The following MYO18B variants were observed in gnomAD, a reference collection of about 807,000 sequenced individuals.
MYO18B encodes the protein unconventional myosin-XVIIIb.
In MYO18B, 204 loss-of-function variants were observed where a neutral mutation model predicts 273.0. The ratio of observed to expected loss-of-function variants is 0.75; its 90% CI spans 0.67 to 0.84. The LOEUF (loss-of-function observed/expected upper bound fraction) is 0.84. Ranked by LOEUF, MYO18B falls within the 40% of genes least tolerant of loss-of-function variation. The pLI is 0.00. For synonymous variants in MYO18B, 1,330 were observed against 1,305.7 expected, an observed-to-expected ratio of 1.02 and a Z score of -0.40; for missense variants, 3,212 against 3,287.6, an observed-to-expected ratio of 0.98 and a Z score of 0.56.
At chr22:25,967,498 T>A (rs1052195483) in intron 39 of MYO18B, among the ~76,000 whole-genome samples, 2 of 152,202 alleles carry the variant, frequency 1.3e-5, no homozygotes, top group African/African-American at 4.8e-5. Context: ...CTTTTTACTG[T>A]TCTTTTTTGA....
At chr22:25,787,270 G>GCACACACACACA (rs965998326) in intron 11 of MYO18B, among the ~76,000 whole-genome samples, 1 of 42,624 alleles carries the variant, frequency 2.3e-5, no homozygotes, top group Admixed American at 3.4e-4. Flanking sequence ...GTGCAGGCGC[G>GCACACACACACA]CGCACACACA....
At chr22:25,957,142 G>A (rs191222042) in intron 39 of MYO18B, among the ~76,000 whole-genome samples, 122 of 152,296 alleles carry the variant, frequency 8.0e-4, no homozygotes, top group African/African-American at 2.3e-3. Flanking sequence ...CTCTGGCTGG[G>A]AGGAGAGAAC....
At chr22:25,789,644 A>AAAT (rs2087568246) in intron 11 of MYO18B, among the ~76,000 whole-genome samples, 1 of 151,200 alleles carries the variant, frequency 6.6e-6, no homozygotes, top group Non-Finnish European at 1.5e-5. Flanking sequence ...AAGAAAAAAA[A>AAAT]AATAACGAAA....
rs1046268144 is a variant in MYO18B, at chr22:26,010,964, A to T, written c.6470+6109A>T. On this transcript the variant is annotated intron_variant, in intron 42 of 43. Coordinates refer to ENST00000335473, the MANE Select transcript of MYO18B (RefSeq NM_032608.7). Reference sequence around the variant, plus strand: ...TGGAGCCCTAAGGAGATACCAAGAAACCTCTGCGTAATGTTAGGATTCTTA... The same window carrying T: ...TGGAGCCCTAAGGAGATACCAAGAATCCTCTGCGTAATGTTAGGATTCTTA... Among the ~76,000 whole-genome samples the T allele has an allele frequency of 2.0e-5, 3 of 151,736 alleles. No individual in the cohort carries two copies. The South Asian group carries it at 6.3e-4, about 32-fold the overall frequency.
chr22:25,927,169 A>G (rs5761321), intron 34 of MYO18B, among the ~76,000 whole-genome samples: 44,328 of 152,140 alleles, frequency 0.29, 6,754 homozygotes, highest in Middle Eastern at 0.36. Context: ...AAAGAACAGG[A>G]TAACAGCAAT....
chr22:26,006,404 C>T (rs1934424137), intron 42 of MYO18B: 1 of 248,386 alleles, frequency 4.0e-6, no homozygotes, highest in Non-Finnish European at 8.6e-6. Flanking sequence ...ATTGTAATGG[C>T]CTGTTGAAAA....
Position 25,954,262 on chromosome 22 carries a change from C to T in MYO18B, c.5971-917C>T, listed in dbSNP as rs187498161. On this transcript the variant is annotated intron_variant, in intron 38 of 43. Coordinates refer to ENST00000335473, the MANE Select transcript of MYO18B (RefSeq NM_032608.7). ...GTGTCCTCAAGGATTCCCCATCCCC[C>T]CTGCCACCAGGAAAGGAAAAATGTC... Among the ~76,000 whole-genome samples, 7 of 152,244 alleles carry T rather than the reference C, an allele frequency of 4.6e-5. No homozygotes were observed. The East Asian group carries it at 1.4e-3, about 29-fold the overall frequency.
intron 34 of MYO18B, among the ~76,000 whole-genome samples, chr22:25,931,461 A>G (rs1012567010): frequency 2.6e-5 from 4 of 152,208 alleles, no homozygotes; most frequent in Admixed American, 1.3e-4. Context: ...ATGGTGCCAA[A>G]TATATCAACG....
chr22:25,768,891 G>A lies in MYO18B; in HGVS notation c.975G>A (p.Arg325=). The change falls in exon 4 of 44, where the codon AGG becomes AGA. Residue 325 remains arginine, a synonymous_variant. Transcript: ENST00000335473. ...GRKWGGFLGR[R]SKWDGPQNKK... is the part of the protein sequence containing the mutation. The stretch of plus-strand genomic sequence containing the variant: ...AGTGGGGAGGTTTCCTGGGAAGAAG[G>A]AGTAAGTGGGACGGTCCCCAGAATA... 1 of 1,613,082 alleles carries A rather than the reference G, an allele frequency of 6.2e-7. No individual in the cohort carries two copies. The highest frequency in any genetic ancestry group is 8.5e-7 in the Non-Finnish European group (1 of 1,179,540).
intron 40 of MYO18B, among the ~76,000 whole-genome samples, chr22:25,999,460 G>A (rs1205795336): frequency 6.6e-6 from 1 of 151,896 alleles, no homozygotes; most frequent in African/African-American, 2.4e-5. Context: ...TAATTATCTC[G>A]CTCATCATCA....
chr22:25,833,069 T>C (rs1207317294), intron 16 of MYO18B, 72 bp downstream of exon 16: 1 of 1,418,966 alleles, frequency 7.0e-7, no homozygotes, highest in Non-Finnish European at 1.0e-6. Context: ...TGGATTTGAG[T>C]CTTCAGTCTA....
chr22:26,042,491 A>T, the MYO18B span, among the ~76,000 whole-genome samples: 1 of 152,198 alleles, frequency 6.6e-6, no homozygotes. Flanking sequence ...GAATATTTAC[A>T]TCTTCTTTTC....
intron 39 of MYO18B, among the ~76,000 whole-genome samples, chr22:25,987,592 T>C (rs1301375428): frequency 6.6e-6 from 1 of 152,148 alleles, no homozygotes; most frequent in African/African-American, 2.4e-5. Flanking sequence ...ATTCATTTCA[T>C]CCCCAAACAT....
At chr22:25,751,015 C>T (rs998440236) in intron 1 of MYO18B, among the ~76,000 whole-genome samples, 17 of 152,202 alleles carry the variant, frequency 1.1e-4, no homozygotes, top group Non-Finnish European at 2.1e-4. Flanking sequence ...AGCCCCACCA[C>T]CTCCTGGCTG....
chr22:25,979,786 C>T (rs2093130767), intron 39 of MYO18B, among the ~76,000 whole-genome samples: 1 of 152,066 alleles, frequency 6.6e-6, no homozygotes, highest in Non-Finnish European at 1.5e-5. Flanking sequence ...AAGCCTGATC[C>T]CTCCTCCCTT....
chr22:25,878,590 G>A (rs1388171586), intron 25 of MYO18B, among the ~76,000 whole-genome samples: 1 of 152,176 alleles, frequency 6.6e-6, no homozygotes, highest in Non-Finnish European at 1.5e-5. Context: ...TGTTTCAAGA[G>A]TTTAAGTGTT....
chr22:26,063,318 G>T, the MYO18B span, among the ~76,000 whole-genome samples: 1 of 152,204 alleles, frequency 6.6e-6, no homozygotes, highest in African/African-American at 2.4e-5. Context: ...AGAACCCGAT[G>T]CGTGAAGAGA....
intron 9 of MYO18B, among the ~76,000 whole-genome samples, chr22:25,780,474 C>T (rs1230825756): frequency 6.6e-6 from 1 of 151,590 alleles, no homozygotes; most frequent in Non-Finnish European, 1.5e-5. Context: ...CCTGTAATCT[C>T]AGCTACTCGG....
At position 25,954,980 on chromosome 22, in the gene MYO18B, G is replaced by T. The variant is rs527829766; in HGVS notation, c.5971-199G>T. Among the ~76,000 whole-genome samples the T allele has an allele frequency of 5.4e-4, 83 of 152,320 alleles. 1 individual carries two copies. The South Asian group carries it at 0.017, about 30-fold the overall frequency. On this transcript the variant is annotated intron_variant, in intron 38 of 43. Transcript: ENST00000335473. ...ATGCCTCGGCCTCCCAAAGTGCTGG[G>T]ATTACAGGCTTGAGCACTGCGCCCG... is the stretch of plus-strand genomic sequence containing the variant.
Sources: gnomAD v4.1 joint callset for allele counts (sites outside exome capture counted in the v4.1 genomes callset) on GRCh38, gnomAD v4.1.1 for gene constraint, MANE v1.5 for transcripts, NCBI Gene and HGNC (gene_info 2026-07-23, HGNC 2026-07-21) for gene names.